Variants in VPS50 observed in about 807,000 individuals in gnomAD.
The protein encoded by VPS50 is syndetin.
A neutral mutation model predicts 139.7 loss-of-function variants in VPS50; 70 were observed. The observed-to-expected ratio is 0.50, with a 90% CI of 0.41 to 0.61. VPS50 has a LOEUF of 0.61. Ranked by LOEUF, VPS50 falls within the 20% of genes least tolerant of loss-of-function variation. The pLI, the probability that VPS50 is intolerant of heterozygous loss-of-function variation, is 0.00. For synonymous variants in VPS50, 365 were observed against 376.7 expected, an observed-to-expected ratio of 0.97 and a Z score of 0.36; for missense variants, 921 against 1,133.7, an observed-to-expected ratio of 0.81 and a Z score of 2.69.
At chr7:93,257,752 A>G (rs1795531449) in intron 6 of VPS50, 1 of 267,954 alleles carries the variant, frequency 3.7e-6, no homozygotes, top group African/African-American at 2.2e-5. Context: ...AAAATTTCCA[A>G]TCTGTTACAG....
chr7:93,325,078 G>A (rs1218950012), intron 21 of VPS50, among the ~76,000 whole-genome samples: 1 of 151,858 alleles, frequency 6.6e-6, no homozygotes, highest in Non-Finnish European at 1.5e-5. Flanking sequence ...AAACAGCATG[G>A]TACTGGTACC....
rs1248704920 is a variant in VPS50, at chr7:93,239,877, C to T, written c.45C>T (p.Ser15=). ...KSLMTRQGLK[S]PQESLSDLGA... ...ATTATTTTTTTAAGGGTCTGAAAAGCCCTCAAGAAAGCCTCAGTGATCTTG... is the reference window on the plus strand; with the variant it reads ...ATTATTTTTTTAAGGGTCTGAAAAGTCCTCAAGAAAGCCTCAGTGATCTTG... Residue 15 remains serine (S), a synonymous_variant, in exon 2 of 28, where the codon AGC becomes AGT. Coordinates refer to ENST00000305866, the MANE Select transcript of VPS50 (RefSeq NM_017667.4). 5 of 1,598,026 alleles carry T rather than the reference C, an allele frequency of 3.1e-6. No individual in the cohort carries two copies. The highest frequency in any genetic ancestry group is 4.3e-6 in the Non-Finnish European group (5 of 1,166,146).
chr7:93,296,242 A>G (rs573992966), intron 14 of VPS50, among the ~76,000 whole-genome samples: 5 of 152,240 alleles, frequency 3.3e-5, no homozygotes, highest in African/African-American at 9.6e-5. Context: ...TCATTTGTCT[A>G]TATTAAACTC....
intron 23 of VPS50, among the ~76,000 whole-genome samples, chr7:93,343,628 A>G (rs1266788084): frequency 3.3e-5 from 5 of 152,332 alleles, no homozygotes; most frequent in South Asian, 2.1e-4. Context: ...GACTAACAGC[A>G]GATCTCTCGG....
chr7:93,357,624 A>G (rs1265053345), intron 27 of VPS50, among the ~76,000 whole-genome samples: 3 of 152,074 alleles, frequency 2.0e-5, no homozygotes, highest in Non-Finnish European at 2.9e-5. Context: ...TTCTTTTCTT[A>G]TTAGATAATA....
In VPS50 at chr7:93,350,048, A is replaced by G; in HGVS notation, c.2463+15A>G. 6.3e-7 allele frequency: 1 copy of G among 1,598,830 alleles called. No individual in the cohort carries two copies. The highest frequency in any genetic ancestry group is 8.6e-7 in the Non-Finnish European group (1 of 1,168,928). ...CACTATTAAAGGCAAGTGTTCTGGG[A>G]AGCACCTGTGCTAAAGATCAATCTA... On this transcript the variant is annotated intron_variant, in intron 25 of 27. Coordinates refer to ENST00000305866, the MANE Select transcript of VPS50 (RefSeq NM_017667.4).
At chr7:93,276,383 C>G (rs1278074102) in intron 12 of VPS50, 78 bp downstream of exon 12, 1 of 1,420,132 alleles carries the variant, frequency 7.0e-7, no homozygotes, top group African/African-American at 1.5e-5. Flanking sequence ...TTGGTACATA[C>G]CTATTTGAAA....
chr7:93,331,756 C>T (rs1797948011), intron 21 of VPS50, among the ~76,000 whole-genome samples: 1 of 152,032 alleles, frequency 6.6e-6, no homozygotes, highest in African/African-American at 2.4e-5. Flanking sequence ...TCATGGTTAA[C>T]AACGTTTGCT....
chr7:93,316,904 A>G (rs532910075), intron 20 of VPS50, among the ~76,000 whole-genome samples: 1 of 152,346 alleles, frequency 6.6e-6, no homozygotes, highest in Admixed American at 6.5e-5. Context: ...GCTCTTAACA[A>G]TTTGAGTTCA....
Position 93,360,463 on chromosome 7 carries a change from CA to C in VPS50, c.*2031del, listed in dbSNP as rs1401214899. The C allele has an allele frequency of 3.0e-5, 4 of 135,312 alleles. No individual in the cohort carries two copies. The highest frequency in any genetic ancestry group is 1.6e-4 in the Admixed American group (2 of 12,804). 8.4% of individuals were successfully genotyped at this position (135,312 alleles called of 1,614,324 possible). A position where few individuals can be genotyped will look rare whatever the true frequency, so the allele number is the denominator to read the frequency against. ...TAGCTTAATAAGTGCTAGCTAGCAT[CA>C]AAACAGTAACAGGAGGTTTGAGTCA... On this transcript the variant is annotated 3_prime_UTR_variant, in exon 28 of 28. Transcript: ENST00000305866.
At chr7:93,271,837 T>G (rs1168724819) in intron 10 of VPS50, among the ~76,000 whole-genome samples, 2 of 151,830 alleles carry the variant, frequency 1.3e-5, no homozygotes, top group Non-Finnish European at 3.0e-5. Context: ...TTATTTGTAT[T>G]TGGTTTCTTC....
intron 22 of VPS50, 25 bp from the exon 23 acceptor site, chr7:93,341,402 G>C (rs1798206288): frequency 6.4e-7 from 1 of 1,551,504 alleles, no homozygotes. Context: ...TGTTATTCCA[G>C]GTTGTATATC....
At chr7:93,258,864 A>G (rs2116840873) in intron 8 of VPS50, among the ~76,000 whole-genome samples, 1 of 152,162 alleles carries the variant, frequency 6.6e-6, no homozygotes, top group East Asian at 1.9e-4. Flanking sequence ...TCTCCTCATA[A>G]TACTTGAGCT....
chr7:93,247,222 G>A (rs1795182552), intron 2 of VPS50, among the ~76,000 whole-genome samples: 2 of 151,684 alleles, frequency 1.3e-5, no homozygotes, highest in South Asian at 4.1e-4. Flanking sequence ...GAATATTTTT[G>A]CCTGTTTTTG....
intron 26 of VPS50, 114 bp downstream of exon 26, chr7:93,353,875 C>G (rs1045165606): frequency 2.4e-6 from 2 of 825,830 alleles, no homozygotes; most frequent in African/African-American, 3.5e-5. Flanking sequence ...AACTAGCAGA[C>G]AAGTTTGGGA....
At chr7:93,308,501 TGA>T (rs1422965930) in intron 18 of VPS50, among the ~76,000 whole-genome samples, 1 of 151,854 alleles carries the variant, frequency 6.6e-6, no homozygotes, top group Non-Finnish European at 1.5e-5. Flanking sequence ...GTGAAACTTC[TGA>T]GAGACTTTAA....
chr7:93,289,922 G>C (rs993254130), intron 12 of VPS50, among the ~76,000 whole-genome samples: 2 of 151,966 alleles, frequency 1.3e-5, no homozygotes, highest in African/African-American at 4.8e-5. Context: ...TCCTAACCAA[G>C]AATAAGGGAT....
At chr7:93,348,444 G>T (rs1230511845) in intron 23 of VPS50, among the ~76,000 whole-genome samples, 2 of 152,176 alleles carry the variant, frequency 1.3e-5, no homozygotes, top group African/African-American at 4.8e-5. Context: ...TGAAGCACAT[G>T]ACTACACCTC....
At chr7:93,308,445 G>T (rs1562879486) in intron 18 of VPS50, among the ~76,000 whole-genome samples, 1 of 151,738 alleles carries the variant, frequency 6.6e-6, no homozygotes, top group African/African-American at 2.4e-5. Context: ...ATTGGATACT[G>T]AACCTCTTTT....
Sources: gnomAD v4.1 joint callset for allele counts (sites outside exome capture counted in the v4.1 genomes callset) on GRCh38, gnomAD v4.1.1 for gene constraint, MANE v1.5 for transcripts, NCBI Gene and HGNC (gene_info 2026-07-23, HGNC 2026-07-21) for gene names.